HIVEP3: variants seen among roughly 807,000 people sequenced by gnomAD.
The protein encoded by HIVEP3 is HIVEP zinc finger 3.
Under a neutral mutation model 152.8 loss-of-function variants are expected in HIVEP3, and 49 were observed. That is an observed-to-expected ratio of 0.32 (90% CI 0.26 to 0.41). The LOEUF (loss-of-function observed/expected upper bound fraction) is 0.41. HIVEP3 is among the 10% of genes least tolerant of loss of function. The pLI is 1.00. For synonymous variants in HIVEP3, 1,269 were observed against 1,289.0 expected, an observed-to-expected ratio of 0.98 and a Z score of 0.33; for missense variants, 2,790 against 3,103.3, an observed-to-expected ratio of 0.90 and a Z score of 2.40.
In HIVEP3 at chr1:41,777,953, C is replaced by T. The variant is rs763547757; in HGVS notation, c.-800-76958G>A. 2.0e-5 allele frequency among the ~76,000 whole-genome samples: 3 copies of T among 152,218 alleles called. No individual in the cohort carries two copies. In the East Asian group the frequency reaches 5.8e-4, roughly 29 times the overall value. ...ACGCATGGTGTGGTGGAGCTTGCAA[C>T]GTCACACTTTCAACAAATCTATTCA... On this transcript the variant is annotated intron_variant, in intron 1 of 8. Transcript: ENST00000372583.
In HIVEP3 at chr1:41,525,788, T is replaced by G. The variant is rs186771929; in HGVS notation, c.5208-878A>C. Among the ~76,000 whole-genome samples, 123 of 152,320 alleles carry G rather than the reference T, an allele frequency of 8.1e-4. 1 individual carries two copies. The highest frequency in any genetic ancestry group is 2.7e-3 in the African/African-American group (111 of 41,564). ...TCCCACATGCGCAACAGGATCACGA[T>G]GAAGCTGTCTTGTTGGTCTAATGCT... On this transcript the variant is annotated intron_variant, in intron 5 of 8. Transcript: ENST00000372583.
chr1:42,034,986 G>A (rs1569575320), intron 1 of HIVEP3, among the ~76,000 whole-genome samples: 1 of 152,148 alleles, frequency 6.6e-6, no homozygotes, highest in African/African-American at 2.4e-5. Flanking sequence ...CATGCAACCA[G>A]AGCCTAGAGC....
chr1:41,913,311 C>T (rs570991958), intron 1 of HIVEP3, among the ~76,000 whole-genome samples: 3 of 152,210 alleles, frequency 2.0e-5, no homozygotes, highest in Admixed American at 6.5e-5. Context: ...AAATGTCAAG[C>T]GTCTACTGTG....
chr1:41,667,582 A>C (rs1645814668), intron 2 of HIVEP3, among the ~76,000 whole-genome samples: 1 of 152,214 alleles, frequency 6.6e-6, no homozygotes, highest in African/African-American at 2.4e-5. Flanking sequence ...AATAACAACA[A>C]ATATTTACTC....
chr1:41,544,744 C>T (rs559712808), intron 5 of HIVEP3, among the ~76,000 whole-genome samples: 8 of 143,612 alleles, frequency 5.6e-5, no homozygotes, highest in African/African-American at 2.0e-4. Flanking sequence ...ACCATCACCA[C>T]CACTACCACC....
chr1:41,685,426 T>C lies in HIVEP3; in HGVS notation c.-721+15490A>G, dbSNP rs915102951. Among the ~76,000 whole-genome samples, 3 of 152,340 alleles carry C rather than the reference T, an allele frequency of 2.0e-5. No individual in the cohort carries two copies. In the East Asian group the frequency reaches 5.8e-4, roughly 29 times the overall value. ...CAGTACAAGTCTTTGTTTCCTTGCCTGTTTCCTCCACTGCACTGTAAGTTC... is the reference window on the plus strand; with the variant it reads ...CAGTACAAGTCTTTGTTTCCTTGCCCGTTTCCTCCACTGCACTGTAAGTTC... On this transcript the variant is annotated intron_variant, in intron 2 of 8. Transcript: ENST00000372583.
At chr1:41,715,936 G>A (rs1376605924) in intron 1 of HIVEP3, among the ~76,000 whole-genome samples, 1 of 152,264 alleles carries the variant, frequency 6.6e-6, no homozygotes, top group Non-Finnish European at 1.5e-5. Context: ...CACAGTGAGA[G>A]GTGCCTTCAC....
chr1:41,619,894 G>A (rs765334862), intron 3 of HIVEP3, among the ~76,000 whole-genome samples: 5 of 152,178 alleles, frequency 3.3e-5, no homozygotes, highest in Non-Finnish European at 7.3e-5. Flanking sequence ...GCTGCAGTGA[G>A]CACCTAGGCA....
chr1:41,661,611 C>G (rs956404753), intron 2 of HIVEP3, among the ~76,000 whole-genome samples: 1 of 152,242 alleles, frequency 6.6e-6, no homozygotes, highest in Admixed American at 6.5e-5. Flanking sequence ...TAACTCACTC[C>G]CAATGAGCCC....
At chr1:41,801,359 T>C (rs770887418) in intron 1 of HIVEP3, among the ~76,000 whole-genome samples, 3 of 152,260 alleles carry the variant, frequency 2.0e-5, no homozygotes, top group Non-Finnish European at 4.4e-5. Context: ...CCTAGGCTGA[T>C]GGGTTTTCTT....
chr1:41,697,278 C>T (rs1335364704), intron 2 of HIVEP3, among the ~76,000 whole-genome samples: 1 of 152,218 alleles, frequency 6.6e-6, no homozygotes, highest in African/African-American at 2.4e-5. Flanking sequence ...CCTAGCTTTC[C>T]ACCCACAGCG....
chr1:41,856,308 G>A (rs950220631), intron 1 of HIVEP3, among the ~76,000 whole-genome samples: 3 of 152,202 alleles, frequency 2.0e-5, no homozygotes, highest in Non-Finnish European at 4.4e-5. Context: ...AGAAGGAGCA[G>A]ATGGGTGGGA....
intron 1 of HIVEP3, among the ~76,000 whole-genome samples, chr1:41,791,138 AC>A (rs1649666633): frequency 6.9e-6 from 1 of 144,290 alleles, no homozygotes; most frequent in South Asian, 2.1e-4. Flanking sequence ...ACACACACAC[AC>A]ACACACACAC....
intron 1 of HIVEP3, among the ~76,000 whole-genome samples, chr1:42,016,686 C>T (rs1292796877): frequency 6.6e-6 from 1 of 152,106 alleles, no homozygotes; most frequent in African/African-American, 2.4e-5. Context: ...CATCAACTTA[C>T]TCTTTTCATT....
chr1:41,937,577 G>C (rs1645025974), intron 1 of HIVEP3, among the ~76,000 whole-genome samples: 1 of 152,118 alleles, frequency 6.6e-6, no homozygotes, highest in Non-Finnish European at 1.5e-5. Context: ...CAAAGACTCA[G>C]AAGGAAAAAG....
At chr1:41,938,008 A>G (rs2124483613) in intron 1 of HIVEP3, among the ~76,000 whole-genome samples, 1 of 152,324 alleles carries the variant, frequency 6.6e-6, no homozygotes, top group East Asian at 1.9e-4. Flanking sequence ...GTGTGTCACC[A>G]GCTTTCTTTA....
intron 1 of HIVEP3, among the ~76,000 whole-genome samples, chr1:42,024,484 A>C (rs1645571432): frequency 6.6e-6 from 1 of 152,226 alleles, no homozygotes; most frequent in South Asian, 2.1e-4. Flanking sequence ...TTAATTTATC[A>C]GCCTGAAGAT....
intron 2 of HIVEP3, among the ~76,000 whole-genome samples, chr1:41,656,130 C>G (rs1645625518): frequency 6.6e-6 from 1 of 152,254 alleles, no homozygotes; most frequent in Non-Finnish European, 1.5e-5. Context: ...AAACCACAGT[C>G]TCTTCCTTGT....
At chr1:41,833,295 C>T (rs1224944281) in intron 1 of HIVEP3, among the ~76,000 whole-genome samples, 3 of 152,174 alleles carry the variant, frequency 2.0e-5, no homozygotes, top group Non-Finnish European at 4.4e-5. Flanking sequence ...ATTTATAGCT[C>T]CAGCATTGGT....
Sources: allele counts gnomAD v4.1 joint callset (sites outside exome capture counted in the v4.1 genomes callset), GRCh38; gene constraint gnomAD v4.1.1; transcripts MANE v1.5; gene names NCBI Gene and HGNC (gene_info 2026-07-23, HGNC 2026-07-21).